AUTS2: variants seen among roughly 807,000 people sequenced by gnomAD.
The protein encoded by AUTS2 is activator of transcription and developmental regulator AUTS2.
AUTS2 carries 17 observed loss-of-function variants against 112.4 expected under a neutral mutation model. The observed-to-expected ratio is 0.15, with a 90% CI of 0.10 to 0.23. AUTS2 has a LOEUF of 0.23. AUTS2 is among the 10% of genes least tolerant of loss of function. AUTS2 has a pLI of 1.00. For missense variants in AUTS2, 1,510 were observed against 1,701.6 expected, an observed-to-expected ratio of 0.89 and a Z score of 1.98; for synonymous variants, 751 against 702.7, an observed-to-expected ratio of 1.07 and a Z score of -1.09.
At chr7:69,978,916 A>G (rs1310396713) in intron 2 of AUTS2, among the ~76,000 whole-genome samples, 2 of 151,544 alleles carry the variant, frequency 1.3e-5, no homozygotes, top group Non-Finnish European at 2.9e-5. Flanking sequence ...ACACGCACAC[A>G]CACACGCACA....
In AUTS2 at chr7:70,704,750, G is replaced by A. The variant is rs569421651; in HGVS notation, c.742+6130G>A. Among the ~76,000 whole-genome samples, 7 of 152,358 alleles carry A rather than the reference G, an allele frequency of 4.6e-5. No individual in the cohort carries two copies. The East Asian group carries it at 7.7e-4, about 17-fold the overall frequency. On this transcript the variant is annotated intron_variant, in intron 6 of 18. Coordinates refer to ENST00000342771, the MANE Select transcript of AUTS2 (RefSeq NM_015570.4). ...GAGGGTTCCTAAATGGAGGAAGCCCGTGGCTAGCCCGTGGCCTCTGGATTA... is the reference window on the plus strand; with the variant it reads ...GAGGGTTCCTAAATGGAGGAAGCCCATGGCTAGCCCGTGGCCTCTGGATTA...
chr7:70,292,410 T>C (rs1788750581), intron 4 of AUTS2: 1 of 152,378 alleles, frequency 6.6e-6, no homozygotes, highest in African/African-American at 2.4e-5. Context: ...CCTCTAATTA[T>C]GTAAAACCAT....
At chr7:70,289,056 GAT>G (rs1788592502) in intron 4 of AUTS2, among the ~76,000 whole-genome samples, 2 of 152,174 alleles carry the variant, frequency 1.3e-5, no homozygotes, top group South Asian at 4.1e-4. Flanking sequence ...GTGTTAATGA[GAT>G]AGATTCTGAG....
At chr7:70,015,923 C>T (rs1185980933) in intron 2 of AUTS2, among the ~76,000 whole-genome samples, 1 of 151,484 alleles carries the variant, frequency 6.6e-6, no homozygotes, top group African/African-American at 2.4e-5. Flanking sequence ...TGTGAATTCT[C>T]AGTTCACAGC....
intron 5 of AUTS2, among the ~76,000 whole-genome samples, chr7:70,620,274 C>T (rs548828305): frequency 6.6e-6 from 1 of 152,226 alleles, no homozygotes; most frequent in South Asian, 2.1e-4. Context: ...TAGAGTCAGT[C>T]GAAATGAAGC....
chr7:70,319,935 T>C (rs927686138), intron 4 of AUTS2, among the ~76,000 whole-genome samples: 1 of 152,136 alleles, frequency 6.6e-6, no homozygotes, highest in African/African-American at 2.4e-5. Context: ...CAAAACAAAA[T>C]TATCTCTCGT....
chr7:70,711,146 C>T (rs997679461), intron 6 of AUTS2, among the ~76,000 whole-genome samples: 1 of 152,186 alleles, frequency 6.6e-6, no homozygotes, highest in Non-Finnish European at 1.5e-5. Flanking sequence ...AGCACACCTT[C>T]GGGTCAGGCT....
At chr7:70,188,820 G>A (rs1431111751) in intron 4 of AUTS2, among the ~76,000 whole-genome samples, 1 of 147,376 alleles carries the variant, frequency 6.8e-6, no homozygotes, top group African/African-American at 2.5e-5. Context: ...GCGCTCTGTC[G>A]CCCAGGCTGG....
At chr7:70,342,719 C>G (rs181564066) in intron 4 of AUTS2, among the ~76,000 whole-genome samples, 37 of 150,036 alleles carry the variant, frequency 2.5e-4, no homozygotes, top group Non-Finnish European at 3.9e-4. Flanking sequence ...ACCACTGTAC[C>G]CCACCTTACA....
chr7:70,452,225 C>G (rs1188435807), intron 5 of AUTS2, among the ~76,000 whole-genome samples: 1 of 152,114 alleles, frequency 6.6e-6, no homozygotes, highest in Admixed American at 6.6e-5. Context: ...TGACTCACAC[C>G]TGTAATCCCA....
intron 5 of AUTS2, among the ~76,000 whole-genome samples, chr7:70,654,291 G>A (rs994420908): frequency 1.3e-5 from 2 of 152,166 alleles, no homozygotes; most frequent in South Asian, 4.1e-4. Flanking sequence ...AAATATTTGA[G>A]GGCTTTTGAG....
intron 2 of AUTS2, among the ~76,000 whole-genome samples, chr7:69,934,253 C>T (rs539163898): frequency 1.3e-5 from 2 of 152,150 alleles, no homozygotes; most frequent in South Asian, 4.2e-4. Flanking sequence ...ATGCTCTTCC[C>T]AAAGGAGTTT....
At chr7:70,353,056 G>C (rs1408566395) in intron 4 of AUTS2, among the ~76,000 whole-genome samples, 1 of 152,148 alleles carries the variant, frequency 6.6e-6, no homozygotes, top group African/African-American at 2.4e-5. Context: ...CCAAACACTT[G>C]TCCCTGAGTC....
chr7:69,900,334 C>T (rs1794917901), intron 2 of AUTS2, among the ~76,000 whole-genome samples: 1 of 152,100 alleles, frequency 6.6e-6, no homozygotes, highest in South Asian at 2.1e-4. Context: ...CTGAAGAAAG[C>T]AGAGGAAGGA....
chr7:70,065,004 G>T (rs1802422945), intron 2 of AUTS2, among the ~76,000 whole-genome samples: 1 of 152,144 alleles, frequency 6.6e-6, no homozygotes, highest in Admixed American at 6.5e-5. Flanking sequence ...TTGAATAAAT[G>T]AATGAATGAA....
chr7:69,755,681 G>A (rs775898548), intron 1 of AUTS2, among the ~76,000 whole-genome samples: 65 of 152,110 alleles, frequency 4.3e-4, no homozygotes, highest in Non-Finnish European at 8.4e-4. Context: ...GTCTCTATTG[G>A]TTATTATTAC....
intron 1 of AUTS2, among the ~76,000 whole-genome samples, chr7:69,827,470 A>C (rs1791302310): frequency 6.6e-6 from 1 of 152,102 alleles, no homozygotes; most frequent in Admixed American, 6.5e-5. Context: ...CCCTAAAAAA[A>C]CCCTGGATTC....
At chr7:69,684,658 G>A (rs1796978696) in intron 1 of AUTS2, among the ~76,000 whole-genome samples, 1 of 152,098 alleles carries the variant, frequency 6.6e-6, no homozygotes, top group South Asian at 2.1e-4. Context: ...TGAGTAACTA[G>A]CGAAAAATAA....
At chr7:70,368,860 C>G (rs957731864) in intron 4 of AUTS2, among the ~76,000 whole-genome samples, 1 of 152,044 alleles carries the variant, frequency 6.6e-6, no homozygotes, top group Non-Finnish European at 1.5e-5. Context: ...ATATGATCCA[C>G]CAAGAGCAGC....
Sources: gnomAD v4.1 joint callset for allele counts (sites outside exome capture counted in the v4.1 genomes callset) on GRCh38, gnomAD v4.1.1 for gene constraint, MANE v1.5 for transcripts, NCBI Gene and HGNC (gene_info 2026-07-23, HGNC 2026-07-21) for gene names.